Variants in ZNF692 observed in about 807,000 individuals in gnomAD.
ZNF692 encodes the protein zinc finger protein 692.
Under a neutral mutation model 49.0 loss-of-function variants are expected in ZNF692, and 41 were observed. The observed-to-expected ratio is 0.84, with a 90% confidence interval of 0.65 to 1.08. The LOEUF (loss-of-function observed/expected upper bound fraction) is 1.08, where lower values mean the gene tolerates loss of function less well. Ranked by LOEUF, ZNF692 falls within the 50% of genes least tolerant of loss-of-function variation. The pLI is 0.00. For synonymous variants in ZNF692, 288 were observed against 251.5 expected (o/e 1.15, Z -1.37); for missense variants, 662 against 662.2 (o/e 1.00, Z 0.00).
chr1:248,858,472 C>G lies in ZNF692; in HGVS notation c.-12-151G>C. 1 of 1,551,688 alleles carries G rather than the reference C, an allele frequency of 6.4e-7. No individual in the cohort carries two copies. ...GCAGTGGCAGGTGTGGAGCCAAACC[C>G]CGTCCTTCTATGATACAGGGTGTTG... On this transcript the variant is annotated intron_variant, in intron 1 of 11. Coordinates refer to ENST00000306601, the MANE Select transcript of ZNF692 (RefSeq NM_017865.4). The surrounding 1 kb of genome is among the most constrained non-coding windows in gnomAD (Gnocchi z 4.3).
rs139390959 is a variant in ZNF692 at position 248,850,718 on chromosome 1, A to T, written c.1217T>A (p.Ile406Asn). Residue 406 changes from isoleucine (I) to asparagine (N), a missense_variant, in exon 11 of 12, where the codon ATC becomes AAC. Physicochemically the swap from Ile to Asn is moderately radical, Grantham distance 149. Coordinates refer to ENST00000306601, the MANE Select transcript of ZNF692 (RefSeq NM_017865.4). ...RSFRTSSNLVIHRRIHTGEKP... is the reference protein window; with the variant it reads ...RSFRTSSNLVNHRRIHTGEKP... ...TTCTCCAGTGTGGATACGTCTGTGG[A>T]TGACAAGGTTGCTGCTAGTGCGGAA... 1 of 1,613,940 alleles carries T rather than the reference A, an allele frequency of 6.2e-7. No individual in the cohort carries two copies. The highest frequency in any genetic ancestry group is 1.3e-5 in the African/African-American group (1 of 74,858).
Position 248,850,785 on chromosome 1 carries a change from C to T in ZNF692, c.1154-4G>A, listed in dbSNP as rs1372319190. 1.1e-5 allele frequency: 17 copies of T among 1,613,828 alleles called. No individual in the cohort carries two copies. Among genetic ancestry groups the T allele is most frequent in the Non-Finnish European group, 1.4e-5 (17 of 1,179,926 alleles). On this transcript the variant is annotated splice_polypyrimidine_tract_variant and splice_region_variant and intron_variant, in intron 10 of 11. Coordinates refer to ENST00000306601, the MANE Select transcript of ZNF692 (RefSeq NM_017865.4). ...TCACAGATGTAGTCCCGGGTGTCTG[C>T]AGGCATATGAGGGACACTCCAGCAT... is the stretch of plus-strand genomic sequence containing the variant.
intron 10 of ZNF692, among the ~76,000 whole-genome samples, chr1:248,853,604 ACTC>A (rs1659874548): frequency 6.6e-6 from 1 of 151,618 alleles, no homozygotes; most frequent in Non-Finnish European, 1.5e-5. Context: ...TACAATAGCA[ACTC>A]CTCCTTATGC....
Position 248,858,601 on chromosome 1 carries a change from G to C in ZNF692, c.-12-280C>G. 6.5e-7 allele frequency: 1 copy of C among 1,533,102 alleles called. No homozygotes were observed. The highest frequency in any genetic ancestry group is 2.4e-5 in the East Asian group (1 of 40,844). The allele number at this position is 1,533,102 out of a possible 1,614,324, so 95.0% of individuals were successfully genotyped here. On this transcript the variant is annotated intron_variant, in intron 1 of 11. Transcript: ENST00000306601. This position sits in a 1 kb window ranked among gnomAD's most constrained non-coding sequence, Gnocchi z 4.3. ...CCAGTCCACTGAAGTGGAGCTGTGG[G>C]GAAGGGGCGAGAGACTTTCACGGGA...
chr1:248,852,720 C>T (rs1237244106), intron 10 of ZNF692, among the ~76,000 whole-genome samples: 4 of 152,164 alleles, frequency 2.6e-5, no homozygotes, highest in Non-Finnish European at 5.9e-5. Flanking sequence ...CACATTTGGC[C>T]TGTCGCACTA....
rs189101971 is a variant in ZNF692 at position 248,851,593 on chromosome 1, C to A, written c.1154-812G>T. On this transcript the variant is annotated intron_variant, in intron 10 of 11. Transcript: ENST00000306601. The stretch of plus-strand genomic sequence containing the variant: ...GCCTCCTCCTTTGGCCCCATCACTC[C>A]CCCTCCATCCACACAACTCTAGGTT... Among the ~76,000 whole-genome samples, 44 of 152,058 alleles carry A rather than the reference C, an allele frequency of 2.9e-4. No individual in the cohort carries two copies. In the East Asian group the frequency reaches 8.1e-3, roughly 28 times the overall value.
chr1:248,858,432 T>G lies in ZNF692; in HGVS notation c.-12-111A>C, dbSNP rs1426432981. On this transcript the variant is annotated intron_variant, in intron 1 of 11. Coordinates refer to ENST00000306601, the MANE Select transcript of ZNF692 (RefSeq NM_017865.4). The surrounding 1 kb of genome is among the most constrained non-coding windows in gnomAD (Gnocchi z 4.3). ...CCTCATCAGTGAACTGGGGCAAGAC[T>G]AAACTATTTCAATAGCAGTGGCAGG... is the stretch of plus-strand genomic sequence containing the variant. The G allele has an allele frequency of 6.4e-7, 1 of 1,550,938 alleles. No individual in the cohort carries two copies. The highest frequency in any genetic ancestry group is 8.7e-7 in the Non-Finnish European group (1 of 1,146,460).
chr1:248,854,346 T>A, intron 9 of ZNF692: 1 of 344,088 alleles, frequency 2.9e-6, no homozygotes, highest in East Asian at 6.0e-5. Context: ...TGTCCTGCAA[T>A]GTTCCCTGTA....
chr1:248,855,704 C>G, intron 7 of ZNF692, 21 bp downstream of exon 7: 5 of 1,614,218 alleles, frequency 3.1e-6, no homozygotes, highest in Non-Finnish European at 3.4e-6. Flanking sequence ...CCTGCCCTTT[C>G]TGTCTCAGCC....
At chr1:248,854,347 G>A (rs1659968322) in intron 9 of ZNF692, 1 of 339,934 alleles carries the variant, frequency 2.9e-6, no homozygotes, top group Non-Finnish European at 5.6e-6. Context: ...GTCCTGCAAT[G>A]TTCCCTGTAC....
Position 248,857,661 on chromosome 1 carries a change from G to A in ZNF692, c.212-164C>T, listed in dbSNP as rs890368857. 5 of 1,466,030 alleles carry A rather than the reference G, an allele frequency of 3.4e-6. No individual in the cohort carries two copies. The African/African-American group carries it at 7.1e-5, about 21-fold the overall frequency. The allele number at this position is 1,466,030 out of a possible 1,614,324, so 90.8% of individuals were successfully genotyped here. On this transcript the variant is annotated intron_variant, in intron 3 of 11. Coordinates refer to ENST00000306601, the MANE Select transcript of ZNF692 (RefSeq NM_017865.4). The stretch of plus-strand genomic sequence containing the variant: ...TAGACACACTAGATCCTGAGACATT[G>A]CTCCCTTCCCCACCCAGAGGTTGCC...
At position 248,857,303 on chromosome 1, in the gene ZNF692, G is replaced by A; in HGVS notation, c.406C>T (p.Pro136Ser). The change falls in exon 4 of 12, where the codon CCA becomes TCA. Residue 136 changes from proline to serine, a missense_variant. By Grantham distance (74) the Pro-to-Ser change is moderately conservative. Transcript: ENST00000306601. ...CGAGTAGTATGTGGAAGGGAGGCTG[G>A]CTTGGGTGCCTCTGAAGGTGTAGGG... ...LSPTPSEAPK[P>S]ASLPHTTRRS... 1 of 1,614,154 alleles carries A rather than the reference G, an allele frequency of 6.2e-7. No individual in the cohort carries two copies. The highest frequency in any genetic ancestry group is 1.7e-5 in the Admixed American group (1 of 60,014).
At chr1:248,851,028 A>G (rs1558246718) in intron 10 of ZNF692, 4 of 642,542 alleles carry the variant, frequency 6.2e-6, no homozygotes, top group African/African-American at 1.8e-5. Flanking sequence ...CTGCCCGCCA[A>G]TCCCACTCAA....
chr1:248,851,116 A>T (rs893872200), intron 10 of ZNF692, among the ~76,000 whole-genome samples: 1 of 152,142 alleles, frequency 6.6e-6, no homozygotes, highest in African/African-American at 2.4e-5. Context: ...GACACATGGA[A>T]TGGAGAGCTG....
intron 4 of ZNF692, 33 bp downstream of exon 4, chr1:248,857,201 T>C: frequency 6.4e-7 from 1 of 1,573,384 alleles, no homozygotes; most frequent in South Asian, 1.2e-5. Context: ...TTTTCCTCCC[T>C]TTTCTCCATA....
Position 248,858,284 on chromosome 1 carries a change from A to C in ZNF692, c.26T>G (p.Val9Gly). The C allele has an allele frequency of 6.3e-7, 1 of 1,579,458 alleles. No individual in the cohort carries two copies. The highest frequency in any genetic ancestry group is 8.6e-7 in the Non-Finnish European group (1 of 1,161,034). The change falls in exon 2 of 12, where the codon GTG becomes GGG. Residue 9 changes from valine to glycine, a missense_variant. Coordinates refer to ENST00000306601, the MANE Select transcript of ZNF692 (RefSeq NM_017865.4). The surrounding 1 kb of genome is among the most constrained non-coding windows in gnomAD (Gnocchi z 4.3). MASSPAVD[V>G]SCRRREKRRQ... ...CCGCTTCTCCCGCCGCCTGCAGGAC[A>C]CGTCCACCGCCGGGGAGGAAGCCAT...
In ZNF692 at chr1:248,850,254, G is replaced by A. The variant is rs1558243871; in HGVS notation, c.1516C>T (p.Pro506Ser). ...GPLGSSEGSRPSASPQAPTLL... is the reference protein window; with the variant it reads ...GPLGSSEGSRSSASPQAPTLL... ...GTTGGAGCCTGAGGAGATGCAGAGG[G>A]CCTGGACCCCTCGCTGGATCCCAGA... Residue 506 changes from proline to serine, a missense_variant, in exon 12 of 12, where the codon CCC (proline) becomes TCC (serine). By Grantham distance (74) the Pro-to-Ser change is moderately conservative (BLOSUM62 -1). Transcript: ENST00000306601. 1.1e-5 allele frequency: 18 copies of A among 1,587,386 alleles called. No homozygotes were observed. The highest frequency in any genetic ancestry group is 1.5e-5 in the Non-Finnish European group (18 of 1,165,452).
chr1:248,851,736 C>A (rs1038883361), intron 10 of ZNF692, among the ~76,000 whole-genome samples: 1 of 152,164 alleles, frequency 6.6e-6, no homozygotes, highest in Non-Finnish European at 1.5e-5. Context: ...TCAGGTCACA[C>A]CCATGCACTG....
At chr1:248,854,183 C>A (rs1260268931) in intron 9 of ZNF692, 132 bp from the exon 10 acceptor site, 9 of 671,922 alleles carry the variant, frequency 1.3e-5, no homozygotes, top group Non-Finnish European at 2.4e-5. Context: ...CAGCAGTTCT[C>A]CCTGTCATGG....
Sources: allele counts gnomAD v4.1 joint callset (sites outside exome capture counted in the v4.1 genomes callset), GRCh38; gene constraint gnomAD v4.1.1; non-coding constraint Gnocchi (gnomAD v3.1); transcripts MANE v1.5; gene names NCBI Gene and HGNC (gene_info 2026-07-23, HGNC 2026-07-21).